The following UBE3C variants were observed in gnomAD, a reference collection of about 807,000 sequenced individuals.
UBE3C encodes ubiquitin-protein ligase E3C.
A neutral mutation model predicts 129.4 loss-of-function variants in UBE3C; 42 were observed. The ratio of observed to expected loss-of-function variants is 0.32; its 90% confidence interval spans 0.25 to 0.42. The LOEUF (loss-of-function observed/expected upper bound fraction) is 0.42. Among genes scored for constraint, UBE3C ranks in the 10% least tolerant of loss-of-function variants. The pLI, the probability that UBE3C is intolerant of heterozygous loss-of-function variation, is 1.00. For synonymous variants in UBE3C, 510 were observed against 492.4 expected (o/e 1.04, Z -0.47); for missense variants, 1,049 against 1,319.1 (o/e 0.80, Z 3.17).
chr7:157,228,743 A>G (rs1448422282), intron 17 of UBE3C, among the ~76,000 whole-genome samples: 5 of 152,210 alleles, frequency 3.3e-5, no homozygotes, highest in Non-Finnish European at 1.5e-5. Context: ...CCATTCAGTC[A>G]GCGACCACTG....
intron 9 of UBE3C, among the ~76,000 whole-genome samples, chr7:157,186,605 A>G (rs1189609405): frequency 6.6e-6 from 1 of 152,138 alleles, no homozygotes; most frequent in East Asian, 1.9e-4. Flanking sequence ...CTGTTATATC[A>G]TAGGCAAAAA....
chr7:157,220,751 A>G lies in UBE3C; in HGVS notation c.1977A>G (p.Ile659Met). The change falls in exon 15 of 23, where the codon ATA (isoleucine) becomes ATG (methionine). Residue 659 changes from isoleucine (I) to methionine (M), a missense_variant. Ile to Met is a conservative substitution (Grantham distance 10). Transcript: ENST00000348165. ...HVWRFRRMGR[I>M]GPLQSTLDVG... The stretch of plus-strand genomic sequence containing the variant: ...GGAGGTTCCGGCGGATGGGGAGGAT[A>G]GGCCCGCTGCAGTCCACCCTGGACG... The G allele has an allele frequency of 6.2e-7, 1 of 1,614,172 alleles. No homozygotes were observed. The highest frequency in any genetic ancestry group is 8.5e-7 in the Non-Finnish European group (1 of 1,179,998).
chr7:157,260,282 A>G (rs1796865834), intron 22 of UBE3C, among the ~76,000 whole-genome samples: 1 of 152,208 alleles, frequency 6.6e-6, no homozygotes, highest in Non-Finnish European at 1.5e-5. Flanking sequence ...GACGTAATGA[A>G]AGAAAAAGAC....
At chr7:157,187,369 G>A (rs889978083) in intron 10 of UBE3C, among the ~76,000 whole-genome samples, 3 of 147,072 alleles carry the variant, frequency 2.0e-5, no homozygotes, top group Admixed American at 6.9e-5. Context: ...CATAGTACTC[G>A]TGTTTTATGG....
At chr7:157,259,512 C>T (rs1178116697) in intron 22 of UBE3C, among the ~76,000 whole-genome samples, 1 of 152,166 alleles carries the variant, frequency 6.6e-6, no homozygotes, top group Non-Finnish European at 1.5e-5. Flanking sequence ...ACATGAACTG[C>T]TAGTAAATAC....
intron 14 of UBE3C, among the ~76,000 whole-genome samples, chr7:157,217,877 C>T (rs760588606): frequency 1.3e-5 from 2 of 151,562 alleles, no homozygotes; most frequent in Non-Finnish European, 2.9e-5. Flanking sequence ...CAAATATTAG[C>T]CGGGCATGGT....
intron 13 of UBE3C, among the ~76,000 whole-genome samples, chr7:157,213,538 A>G (rs1809654898): frequency 6.6e-6 from 1 of 152,252 alleles, no homozygotes; most frequent in Admixed American, 6.5e-5. Flanking sequence ...GGTTGCCTCT[A>G]CAAACTTTCC....
At chr7:157,158,290 A>T (rs886515971) in intron 1 of UBE3C, among the ~76,000 whole-genome samples, 1 of 152,134 alleles carries the variant, frequency 6.6e-6, no homozygotes, top group Non-Finnish European at 1.5e-5. Flanking sequence ...ACTGGCCGAG[A>T]GAGGGAACCT....
At chr7:157,220,879 A>C in intron 15 of UBE3C, 103 bp downstream of exon 15, 1 of 1,311,630 alleles carries the variant, frequency 7.6e-7, no homozygotes, top group Non-Finnish European at 1.0e-6. Context: ...TTATACAGCC[A>C]TGTCACTCCC....
chr7:157,227,141 G>A (rs1260524946), intron 17 of UBE3C, among the ~76,000 whole-genome samples: 1 of 152,002 alleles, frequency 6.6e-6, no homozygotes, highest in Non-Finnish European at 1.5e-5. Flanking sequence ...TGAATCCCAG[G>A]GGAAAAAAAT....
chr7:157,205,907 G>A (rs890243573), intron 11 of UBE3C, among the ~76,000 whole-genome samples: 6 of 152,206 alleles, frequency 3.9e-5, no homozygotes, highest in Middle Eastern at 3.2e-3. Context: ...AGAAGCTCCA[G>A]GTGGCTCAGC....
At chr7:157,207,617 T>G in intron 12 of UBE3C, 62 bp downstream of exon 12, 1 of 1,588,102 alleles carries the variant, frequency 6.3e-7, no homozygotes, top group Non-Finnish European at 8.5e-7. Context: ...TCATAGACAG[T>G]AGAAAAGTTT....
chr7:157,186,917 C>A lies in UBE3C; in HGVS notation c.1227C>A (p.Leu409=). The A allele has an allele frequency of 6.2e-7, 1 of 1,614,156 alleles. No homozygotes were observed. The highest frequency in any genetic ancestry group is 8.5e-7 in the Non-Finnish European group (1 of 1,180,010). The change falls in exon 10 of 23, where the codon CTC becomes CTA. Residue 409 remains leucine (L), a synonymous_variant. Coordinates refer to ENST00000348165, the MANE Select transcript of UBE3C (RefSeq NM_014671.3). The part of the protein sequence containing the change: ...LDTKQQTNTL[L]NLVWRDSASE... Reference sequence around the variant, plus strand: ...CAAAGCAGCAGACCAACACCCTGCTCAACCTGGTGTGGAGGGACTCTGCGA... The same window carrying A: ...CAAAGCAGCAGACCAACACCCTGCTAAACCTGGTGTGGAGGGACTCTGCGA...
intron 22 of UBE3C, among the ~76,000 whole-genome samples, chr7:157,266,995 C>A (rs1182275756): frequency 6.6e-6 from 1 of 152,194 alleles, no homozygotes; most frequent in Non-Finnish European, 1.5e-5. Context: ...CCCAGCTAGG[C>A]CTCCCAAAGT....
chr7:157,215,862 T>G (rs1373718643), intron 13 of UBE3C, among the ~76,000 whole-genome samples: 2 of 152,348 alleles, frequency 1.3e-5, no homozygotes, highest in East Asian at 3.9e-4. Flanking sequence ...TATATCTCTT[T>G]AATCATGTAT....
At chr7:157,227,027 G>C (rs148834239) in intron 17 of UBE3C, among the ~76,000 whole-genome samples, 1 of 152,218 alleles carries the variant, frequency 6.6e-6, no homozygotes, top group African/African-American at 2.4e-5. Flanking sequence ...CAGATTTCAC[G>C]TTCATCTCTC....
At chr7:157,197,479 A>AT (rs1809153070) in intron 10 of UBE3C, 1 of 755,308 alleles carries the variant, frequency 1.3e-6, no homozygotes, top group Non-Finnish European at 2.0e-6. Context: ...TAAAACCAAA[A>AT]TTTATCTGTA....
In UBE3C at chr7:157,209,660, A is replaced by G. The variant is rs1298764592; in HGVS notation, c.1809+1725A>G. 2.0e-5 allele frequency among the ~76,000 whole-genome samples: 3 copies of G among 152,180 alleles called. No individual in the cohort carries two copies. The East Asian group carries it at 5.8e-4, about 29-fold the overall frequency. On this transcript the variant is annotated intron_variant, in intron 13 of 22. Coordinates refer to ENST00000348165, the MANE Select transcript of UBE3C (RefSeq NM_014671.3). ...TGTGCAATATCAGGTGTTGTGTATG[A>G]TATCAGATAATTTCACTGTTTTATG...
intron 18 of UBE3C, among the ~76,000 whole-genome samples, chr7:157,244,670 C>T (rs556941935): frequency 1.3e-5 from 2 of 152,318 alleles, no homozygotes; most frequent in South Asian, 4.1e-4. Flanking sequence ...ATGTGGTTCA[C>T]ATTTATTCTG....
Sources: gnomAD v4.1 joint callset for allele counts (sites outside exome capture counted in the v4.1 genomes callset) on GRCh38, gnomAD v4.1.1 for gene constraint, MANE v1.5 for transcripts, NCBI Gene and HGNC (gene_info 2026-07-23, HGNC 2026-07-21) for gene names.